The following SPAG16 variants were observed in gnomAD, a reference collection of about 807,000 sequenced individuals.
The protein encoded by SPAG16 is sperm associated antigen 16.
In SPAG16, 86 loss-of-function variants were observed where a neutral mutation model predicts 80.4. The ratio of observed to expected loss-of-function variants is 1.07; its 90% confidence interval spans 0.90 to 1.28. The LOEUF (loss-of-function observed/expected upper bound fraction) is 1.28, where lower values mean the gene tolerates loss of function less well. SPAG16 is among the 50% of genes most tolerant of loss of function. SPAG16 has a pLI of 0.00. For synonymous variants in SPAG16, 294 were observed against 265.9 expected (o/e 1.11, Z -1.03); for missense variants, 870 against 765.3 (o/e 1.14, Z -1.61).
chr2:214,197,403 TTAAAA>T (rs781655857), intron 15 of SPAG16, among the ~76,000 whole-genome samples: 15 of 151,958 alleles, frequency 9.9e-5, no homozygotes, highest in Non-Finnish European at 1.9e-4. Flanking sequence ...AAAGTTCACA[TTAAAA>T]TAAAACATCA....
chr2:214,312,736 C>T (rs1695420983), intron 15 of SPAG16, among the ~76,000 whole-genome samples: 1 of 152,092 alleles, frequency 6.6e-6, no homozygotes, highest in South Asian at 2.1e-4. Flanking sequence ...GGAGTCTATC[C>T]TTAGAATACA....
intron 15 of SPAG16, among the ~76,000 whole-genome samples, chr2:214,224,640 T>G (rs1027098626): frequency 6.6e-6 from 1 of 152,212 alleles, no homozygotes; most frequent in African/African-American, 2.4e-5. Flanking sequence ...CTGTGTTTGC[T>G]TTGTTGTTGG....
At chr2:214,268,737 T>G (rs1691772525) in intron 15 of SPAG16, among the ~76,000 whole-genome samples, 1 of 137,180 alleles carries the variant, frequency 7.3e-6, no homozygotes, top group Non-Finnish European at 1.7e-5. Flanking sequence ...GCAGCAAGCA[T>G]CTGAAGGGTG....
At chr2:213,499,300 A>C (rs1358087513) in intron 10 of SPAG16, among the ~76,000 whole-genome samples, 1 of 152,168 alleles carries the variant, frequency 6.6e-6, no homozygotes, top group Non-Finnish European at 1.5e-5. Flanking sequence ...TAGGTACATA[A>C]CATAGAAAAT....
chr2:214,128,514 CA>C (rs1026419675), intron 14 of SPAG16, among the ~76,000 whole-genome samples: 1 of 151,758 alleles, frequency 6.6e-6, no homozygotes, highest in Admixed American at 6.7e-5. Context: ...TGGCCAGTTC[CA>C]AGATTGCTGT....
Position 213,309,486 on chromosome 2 carries a change from A to G in SPAG16, c.280-573A>G, listed in dbSNP as rs2063091072. 3.3e-5 allele frequency among the ~76,000 whole-genome samples: 5 copies of G among 152,182 alleles called. No homozygotes were observed. The South Asian group carries it at 1.0e-3, about 32-fold the overall frequency. On this transcript the variant is annotated intron_variant, in intron 3 of 15. Coordinates refer to ENST00000331683, the MANE Select transcript of SPAG16 (RefSeq NM_024532.5). The stretch of plus-strand genomic sequence containing the variant: ...GATAATTAAAAGCATTAAAAGGTCC[A>G]TGCATTCTTTTTTTCTTTTTTTTGA...
At chr2:213,554,466 C>T (rs1242218285) in intron 10 of SPAG16, among the ~76,000 whole-genome samples, 2 of 152,018 alleles carry the variant, frequency 1.3e-5, no homozygotes, top group Non-Finnish European at 2.9e-5. Context: ...ACATAGAAAG[C>T]CAATAAGATT....
intron 9 of SPAG16, among the ~76,000 whole-genome samples, chr2:213,403,044 A>C (rs1223478243): frequency 6.6e-6 from 1 of 151,782 alleles, no homozygotes; most frequent in Non-Finnish European, 1.5e-5. Context: ...AGTCCCACCA[A>C]CAGTGTCAAA....
rs1239195508 is a variant in SPAG16 at position 214,004,339 on chromosome 2, G to T, written c.1401-9612G>T. 2.6e-5 allele frequency among the ~76,000 whole-genome samples: 4 copies of T among 152,098 alleles called. No individual in the cohort carries two copies. In the East Asian group the frequency reaches 7.8e-4, roughly 30 times the overall value. ...GTGAGCAGGGACTCAGTAGAGTCAG[G>T]GTAGCAAAAAATTACAAAGTGTTGG... is the stretch of plus-strand genomic sequence containing the variant. On this transcript the variant is annotated intron_variant, in intron 12 of 15. Coordinates refer to ENST00000331683, the MANE Select transcript of SPAG16 (RefSeq NM_024532.5).
intron 6 of SPAG16, among the ~76,000 whole-genome samples, chr2:213,343,802 G>GA (rs1212983678): frequency 6.6e-6 from 1 of 151,878 alleles, no homozygotes; most frequent in Non-Finnish European, 1.5e-5. Context: ...TGCACAAAGA[G>GA]AAAAAAGCTG....
intron 15 of SPAG16, among the ~76,000 whole-genome samples, chr2:214,361,984 A>C (rs982090921): frequency 1.3e-5 from 2 of 151,920 alleles, no homozygotes; most frequent in African/African-American, 4.8e-5. Context: ...GATATCTCTG[A>C]TAACTACTTC....
At chr2:213,718,149 CAAAAAAAAA>C (rs71063769) in intron 10 of SPAG16, among the ~76,000 whole-genome samples, 14 of 92,250 alleles carry the variant, frequency 1.5e-4, no homozygotes, top group African/African-American at 4.7e-4. Flanking sequence ...AACAAGTTTA[CAAAAAAAAA>C]AAAAAAAAAA....
At chr2:214,014,177 G>C in intron 13 of SPAG16, 100 bp downstream of exon 13, 4 of 1,401,812 alleles carry the variant, frequency 2.9e-6, no homozygotes, top group South Asian at 1.4e-5. Flanking sequence ...GATTGTGCAA[G>C]GGCATTCAGG....
chr2:213,488,907 CT>C (rs1169958879), intron 9 of SPAG16, among the ~76,000 whole-genome samples: 2 of 149,600 alleles, frequency 1.3e-5, no homozygotes, highest in Non-Finnish European at 3.0e-5. Flanking sequence ...TGAAAACCGT[CT>C]ACTAAAAATA....
intron 10 of SPAG16, among the ~76,000 whole-genome samples, chr2:213,541,575 A>C (rs2076447789): frequency 6.6e-6 from 1 of 152,288 alleles, no homozygotes; most frequent in South Asian, 2.1e-4. Flanking sequence ...AGCTGAGACC[A>C]TGCCACTGCA....
rs759641501 is a variant in SPAG16 at position 213,340,116 on chromosome 2, C to G, written c.537-47C>G. ...TTGAACTCAAGACTAAATAATTTTTCGAAAAAGAATTAGCAGTGATTTATA... is the reference window on the plus strand; with the variant it reads ...TTGAACTCAAGACTAAATAATTTTTGGAAAAAGAATTAGCAGTGATTTATA... On this transcript the variant is annotated intron_variant, in intron 5 of 15. Transcript: ENST00000331683. 98 of 1,281,738 alleles carry G rather than the reference C, an allele frequency of 7.6e-5. 2 individuals carry two copies. In the South Asian group the frequency reaches 9.8e-4, roughly 13 times the overall value. The allele number at this position is 1,281,738 out of a possible 1,614,324, so 79.4% of individuals were successfully genotyped here.
At chr2:213,805,217 AAGGGCTCCC>A (rs2071692900) in intron 10 of SPAG16, among the ~76,000 whole-genome samples, 2 of 152,190 alleles carry the variant, frequency 1.3e-5, no homozygotes, top group Non-Finnish European at 1.5e-5. Context: ...CACACATAGA[AAGGGCTCCC>A]AGGTAAACAC....
intron 14 of SPAG16, among the ~76,000 whole-genome samples, chr2:214,147,679 C>T (rs921812792): frequency 6.6e-6 from 1 of 152,146 alleles, no homozygotes; most frequent in Non-Finnish European, 1.5e-5. Flanking sequence ...TACATGTTTA[C>T]ATATTTGAGG....
intron 5 of SPAG16, among the ~76,000 whole-genome samples, chr2:213,321,020 T>C (rs2063587407): frequency 6.6e-6 from 1 of 152,106 alleles, no homozygotes; most frequent in Non-Finnish European, 1.5e-5. Context: ...ATTCCCTATA[T>C]TGAGCTTGAG....
Sources: gnomAD v4.1 joint callset for allele counts (sites outside exome capture counted in the v4.1 genomes callset) on GRCh38, gnomAD v4.1.1 for gene constraint, MANE v1.5 for transcripts, NCBI Gene and HGNC (gene_info 2026-07-23, HGNC 2026-07-21) for gene names.